ADIPOR2: variants seen among roughly 807,000 people sequenced by gnomAD.
ADIPOR2 encodes adiponectin receptor 2.
ADIPOR2 carries 18 observed loss-of-function variants against 40.9 expected under a neutral mutation model. The observed-to-expected ratio is 0.44, with a 90% CI of 0.30 to 0.65. The LOEUF (loss-of-function observed/expected upper bound fraction) is 0.65. Ranked by LOEUF, ADIPOR2 falls within the 30% of genes least tolerant of loss-of-function variation. ADIPOR2 has a pLI of 0.09. For missense variants in ADIPOR2, 283 were observed against 479.2 expected (o/e 0.59, Z 3.82); for synonymous variants, 165 against 166.4 (o/e 0.99, Z 0.06).
chr12:1,723,531 T>C (rs2094701981), intron 1 of ADIPOR2, among the ~76,000 whole-genome samples: 1 of 151,072 alleles, frequency 6.6e-6, no homozygotes, highest in African/African-American at 2.4e-5. Context: ...TACTCCCAGT[T>C]ACTCAGGAGA....
chr12:1,745,000 C>G (rs1439976885), intron 1 of ADIPOR2, among the ~76,000 whole-genome samples: 1 of 151,442 alleles, frequency 6.6e-6, no homozygotes, highest in Non-Finnish European at 1.5e-5. Flanking sequence ...TTTTAAGGTT[C>G]GGAAACAAAA....
chr12:1,710,662 C>G (rs914071363), intron 1 of ADIPOR2, among the ~76,000 whole-genome samples: 2 of 152,002 alleles, frequency 1.3e-5, no homozygotes, highest in African/African-American at 4.8e-5. Context: ...TCCTCTTTGC[C>G]TGTACTTCTG....
At chr12:1,727,501 C>T (rs1336427072) in intron 1 of ADIPOR2, among the ~76,000 whole-genome samples, 1 of 152,076 alleles carries the variant, frequency 6.6e-6, no homozygotes, top group Non-Finnish European at 1.5e-5. Flanking sequence ...TAATTAAAGA[C>T]CTCTCTGGTC....
At chr12:1,765,329 A>G (rs1418775155) in intron 2 of ADIPOR2, among the ~76,000 whole-genome samples, 2 of 152,182 alleles carry the variant, frequency 1.3e-5, no homozygotes, top group Non-Finnish European at 2.9e-5. Context: ...CACTTGCATA[A>G]TTTTTGAAGT....
At chr12:1,741,323 A>T (rs548422897) in intron 1 of ADIPOR2, among the ~76,000 whole-genome samples, 6 of 152,300 alleles carry the variant, frequency 3.9e-5, no homozygotes, top group Admixed American at 3.3e-4. Flanking sequence ...GGTCAGAGAT[A>T]TTGGTGGTTT....
intron 3 of ADIPOR2, among the ~76,000 whole-genome samples, chr12:1,773,535 T>TC (rs1555171569): frequency 1.7e-5 from 2 of 119,522 alleles, no homozygotes; most frequent in Non-Finnish European, 3.8e-5. Flanking sequence ...TTTTTTTTTT[T>TC]CTAAAATAGT....
At position 1,695,391 on chromosome 12, in the gene ADIPOR2, C is replaced by A. The variant is rs576510283; in HGVS notation, c.-87+4200C>A. Among the ~76,000 whole-genome samples, 14 of 151,214 alleles carry A rather than the reference C, an allele frequency of 9.3e-5. 1 individual carries two copies. In the South Asian group the frequency reaches 2.9e-3, roughly 32 times the overall value. ...AAAGTGGGCTGAGGGTGGTGGCTAA[C>A]GTCGGTAATCCTTGCACTTTGGGAG... is the stretch of plus-strand genomic sequence containing the variant. On this transcript the variant is annotated intron_variant, in intron 1 of 7. Transcript: ENST00000357103.
intron 4 of ADIPOR2, chr12:1,780,105 G>A (rs971377375): frequency 5.8e-6 from 1 of 173,448 alleles, no homozygotes. Context: ...TATGAGGTAT[G>A]TGCCAAAAAC....
At chr12:1,782,468 CT>C (rs1862736803) in intron 6 of ADIPOR2, among the ~76,000 whole-genome samples, 4 of 152,290 alleles carry the variant, frequency 2.6e-5, no homozygotes, top group Admixed American at 2.6e-4. Context: ...GTTGCTTTGG[CT>C]GATACACGGG....
At chr12:1,711,966 T>G (rs986177505) in intron 1 of ADIPOR2, among the ~76,000 whole-genome samples, 1 of 152,144 alleles carries the variant, frequency 6.6e-6, no homozygotes, top group African/African-American at 2.4e-5. Context: ...CTATACACAT[T>G]TATTCTTTTT....
chr12:1,773,516 CTTTTTTTT>C (rs34995304), intron 3 of ADIPOR2, among the ~76,000 whole-genome samples: 2 of 123,722 alleles, frequency 1.6e-5, no homozygotes, highest in Admixed American at 1.7e-4. Context: ...TTATGGGATT[CTTTTTTTT>C]TTTTTTTTTT....
intron 1 of ADIPOR2, among the ~76,000 whole-genome samples, chr12:1,746,436 C>T (rs559406083): frequency 5.9e-5 from 9 of 151,914 alleles, no homozygotes; most frequent in African/African-American, 1.2e-4. Context: ...TGCAGTGAGC[C>T]GAGATCAAGC....
At chr12:1,774,210 G>A (rs1241402413) in intron 3 of ADIPOR2, among the ~76,000 whole-genome samples, 1 of 152,224 alleles carries the variant, frequency 6.6e-6, no homozygotes, top group African/African-American at 2.4e-5. Flanking sequence ...TTAGAGATCA[G>A]CGGGGTACGG....
chr12:1,741,654 A>G (rs1034367458), intron 1 of ADIPOR2, among the ~76,000 whole-genome samples: 1 of 152,244 alleles, frequency 6.6e-6, no homozygotes, highest in African/African-American at 2.4e-5. Context: ...TTACAGGCTT[A>G]TAACTACTAG....
chr12:1,758,413 A>G (rs1174967871), intron 2 of ADIPOR2, among the ~76,000 whole-genome samples: 1 of 152,224 alleles, frequency 6.6e-6, no homozygotes, highest in African/African-American at 2.4e-5. Flanking sequence ...TTAGAGCTGA[A>G]AAGGCCTTCC....
intron 1 of ADIPOR2, among the ~76,000 whole-genome samples, chr12:1,718,974 G>T (rs1348744323): frequency 6.6e-6 from 1 of 152,188 alleles, no homozygotes; most frequent in Non-Finnish European, 1.5e-5. Context: ...ATAAACTGCT[G>T]TTTGATTCGA....
chr12:1,767,412 T>C (rs1862405547), intron 2 of ADIPOR2, among the ~76,000 whole-genome samples: 1 of 152,168 alleles, frequency 6.6e-6, no homozygotes, highest in South Asian at 2.1e-4. Flanking sequence ...TGAATATTCA[T>C]ATAGACTAGA....
intron 6 of ADIPOR2, among the ~76,000 whole-genome samples, chr12:1,782,568 A>G (rs1057382890): frequency 1.3e-5 from 2 of 152,214 alleles, no homozygotes; most frequent in Non-Finnish European, 2.9e-5. Context: ...GTATCTATAC[A>G]TAAGTTCATG....
At chr12:1,734,369 G>A (rs1359077582) in intron 1 of ADIPOR2, among the ~76,000 whole-genome samples, 1 of 152,148 alleles carries the variant, frequency 6.6e-6, no homozygotes, top group African/African-American at 2.4e-5. Flanking sequence ...CAGTGATGAT[G>A]AGCATTTTTT....
Sources: gnomAD v4.1 joint callset for allele counts (sites outside exome capture counted in the v4.1 genomes callset) on GRCh38, gnomAD v4.1.1 for gene constraint, MANE v1.5 for transcripts, NCBI Gene and HGNC (gene_info 2026-07-23, HGNC 2026-07-21) for gene names.